Variants in RBM42 observed in about 807,000 individuals in gnomAD.
The protein encoded by RBM42 is RNA-binding protein 42.
RBM42 carries 21 observed loss-of-function variants against 41.4 expected under a neutral mutation model. The observed-to-expected ratio is 0.51, with a 90% confidence interval of 0.36 to 0.73. The LOEUF is 0.73. RBM42 is among the 30% of genes least tolerant of loss of function. The pLI is 0.00. For missense variants in RBM42, 539 were observed against 680.4 expected (o/e 0.79, Z 2.31); for synonymous variants, 272 against 271.2 (o/e 1.00, Z -0.03).
In RBM42 at chr19:35,634,372, A is replaced by T. The variant is rs377677232; in HGVS notation, c.1134A>T (p.Ala378=). ...WEDPSLLEWD[A]DDFRIFCGDL... ...ACCCCAGCCTGCTGGAGTGGGATGCAGGTAAGCTGCTGAAGCTCGAGGTCA... is the reference window on the plus strand; with the variant it reads ...ACCCCAGCCTGCTGGAGTGGGATGCTGGTAAGCTGCTGAAGCTCGAGGTCA... The change falls in exon 8 of 10, where the codon GCA becomes GCT. Residue 378 remains alanine, a splice_region_variant and synonymous_variant. Transcript: ENST00000262633. The T allele has an allele frequency of 2.5e-6, 4 of 1,611,612 alleles. No individual in the cohort carries two copies. In the African/African-American group the frequency reaches 5.3e-5, roughly 22 times the overall value.
rs1261526917 is a variant in RBM42, at chr19:35,633,904, C to T, written c.902C>T (p.Pro301Leu). 7 of 1,593,502 alleles carry T rather than the reference C, an allele frequency of 4.4e-6. No individual in the cohort carries two copies. Among genetic ancestry groups the T allele is most frequent in the Non-Finnish European group, 6.0e-6 (7 of 1,174,174 alleles). The change falls in exon 7 of 10, where the codon CCG becomes CTG. Residue 301 changes from proline to leucine, a missense_variant. Transcript: ENST00000262633. Reference protein sequence around the residue: ...PLPEPEPLPLPLEVVRGLLPP... With the variant: ...PLPEPEPLPLLLEVVRGLLPP... ...CCCGAGCCTGAGCCCCTGCCCCTCC[C>T]GTTGGAGGTCGTCCGCGGCCTCCTG...
At chr19:35,633,274 A>G (rs8106576) in intron 6 of RBM42, 22 bp downstream of exon 6, 411,813 of 1,534,310 alleles carry the variant, frequency 0.27, 66,119 homozygotes, top group African/African-American at 0.68. Context: ...CAGGGAACTA[A>G]CGGTCAGATG....
At chr19:35,636,314 A>G (rs1306838782) in intron 8 of RBM42, among the ~76,000 whole-genome samples, 1 of 151,588 alleles carries the variant, frequency 6.6e-6, no homozygotes, top group Non-Finnish European at 1.5e-5. Flanking sequence ...ACCCACCACC[A>G]CACCCAGCTA....
intron 8 of RBM42, among the ~76,000 whole-genome samples, chr19:35,636,951 A>G (rs891802331): frequency 2.0e-5 from 3 of 151,958 alleles, no homozygotes; most frequent in African/African-American, 7.3e-5. Context: ...GCCTCAGTGT[A>G]AAAGCATGGT....
In RBM42 at chr19:35,633,961, T is replaced by A. The variant is rs1375204075; in HGVS notation, c.959T>A (p.Leu320Gln). 6.4e-7 allele frequency: 1 copy of A among 1,559,852 alleles called. No individual in the cohort carries two copies. The highest frequency in any genetic ancestry group is 8.6e-7 in the Non-Finnish European group (1 of 1,158,440). ...PPLRIPELLS[L>Q]RPRPRPPRPE... is the part of the protein sequence containing the mutation. Reference sequence around the variant, plus strand: ...CTGCGCATTCCTGAACTCCTGTCCCTGCGTCCTCGGCCCCGGCCCCCTCGG... The same window carrying A: ...CTGCGCATTCCTGAACTCCTGTCCCAGCGTCCTCGGCCCCGGCCCCCTCGG... The change falls in exon 7 of 10, where the codon CTG (leucine) becomes CAG (glutamine). Residue 320 changes from leucine (L) to glutamine (Q), a missense_variant. This residue lies in a region of RBM42 where 429 missense variants were observed against 488.9 expected (regional missense o/e 0.88). Coordinates refer to ENST00000262633, the MANE Select transcript of RBM42 (RefSeq NM_024321.5).
chr19:35,635,123 T>C (rs1340743605), intron 8 of RBM42, among the ~76,000 whole-genome samples: 1 of 151,722 alleles, frequency 6.6e-6, no homozygotes, highest in African/African-American at 2.4e-5. Flanking sequence ...AAGACCAGCC[T>C]GGCCAACATG....
rs759099564 is a variant in RBM42 at position 35,633,001 on chromosome 19, G to C, written c.508G>C (p.Asp170His). 3 of 1,609,522 alleles carry C rather than the reference G, an allele frequency of 1.9e-6. No individual in the cohort carries two copies. The African/African-American group carries it at 4.0e-5, about 22-fold the overall frequency. ...CGTCCCCCACGTGCTACAGAGAGCA[G>C]GTGAGGGGCCAGGGTCATCATCCCT... ...AFVPHVLQRA[D>H]SALSSAAAGP... The change falls in exon 5 of 10, where the codon GAT becomes CAT. Residue 170 changes from aspartate to histidine, a missense_variant and splice_region_variant. This residue lies in a region of RBM42 where 429 missense variants were observed against 488.9 expected (regional missense o/e 0.88). Transcript: ENST00000262633.
Position 35,637,023 on chromosome 19 carries a change from G to T in RBM42, c.1136-135G>T. 2 of 774,876 alleles carry T rather than the reference G, an allele frequency of 2.6e-6. No homozygotes were observed. Among genetic ancestry groups the T allele is most frequent in the Non-Finnish European group, 4.1e-6 (2 of 488,714 alleles). 48.0% of individuals were successfully genotyped at this position (774,876 alleles called of 1,614,324 possible). A position where few individuals can be genotyped will look rare whatever the true frequency, so the allele number is the denominator to read the frequency against. ...CAGCAGAGCTCCTGGCGCAGGGTCA[G>T]TAGGTGTTGACCATTATTACTAAGA... On this transcript the variant is annotated intron_variant, in intron 8 of 9. Transcript: ENST00000262633. This position sits in a 1 kb window ranked among gnomAD's most constrained non-coding sequence, Gnocchi z 7.0.
chr19:35,633,266 G>C lies in RBM42; in HGVS notation c.684+14G>C. On this transcript the variant is annotated intron_variant, in intron 6 of 9. Transcript: ENST00000262633. ...AGGCCCCCTCTGGTGAGTGTGAACA[G>C]GGAACTAACGGTCAGATGTGCGGTG... The C allele has an allele frequency of 6.5e-7, 1 of 1,548,556 alleles. No homozygotes were observed. The highest frequency in any genetic ancestry group is 1.2e-5 in the South Asian group (1 of 80,530).
At chr19:35,634,447 C>T in intron 8 of RBM42, 74 bp downstream of exon 8, 1 of 1,085,172 alleles carries the variant, frequency 9.2e-7, no homozygotes, top group Non-Finnish European at 1.4e-6. Context: ...GGGCTGCAGA[C>T]TGGGAGGGTG....
At chr19:35,634,456 T>G (rs1599607794) in intron 8 of RBM42, 83 bp downstream of exon 8, 1 of 982,744 alleles carries the variant, frequency 1.0e-6, no homozygotes, top group Non-Finnish European at 1.6e-6. Flanking sequence ...ACTGGGAGGG[T>G]GAACCCTCTC....
In RBM42 at chr19:35,633,940, G is replaced by A. The variant is rs748386078; in HGVS notation, c.938G>A (p.Arg313His). Residue 313 changes from arginine to histidine, a missense_variant, in exon 7 of 10, where the codon CGC (arginine) becomes CAC (histidine). Coordinates refer to ENST00000262633, the MANE Select transcript of RBM42 (RefSeq NM_024321.5). ...GTCCGCGGCCTCCTGCCCCCGCTGCGCATTCCTGAACTCCTGTCCCTGCGT... is the reference window on the plus strand; with the variant it reads ...GTCCGCGGCCTCCTGCCCCCGCTGCACATTCCTGAACTCCTGTCCCTGCGT... ...EVVRGLLPPLRIPELLSLRPR... is the reference protein window; with the variant it reads ...EVVRGLLPPLHIPELLSLRPR... 1.6e-5 allele frequency: 26 copies of A among 1,577,608 alleles called. No individual in the cohort carries two copies. Among genetic ancestry groups the A allele is most frequent in the African/African-American group, 2.7e-5 (2 of 73,916 alleles).
chr19:35,629,903 G>A (rs1044574474), intron 2 of RBM42, among the ~76,000 whole-genome samples: 4 of 152,174 alleles, frequency 2.6e-5, no homozygotes, highest in Non-Finnish European at 5.9e-5. Context: ...TGACGAGACT[G>A]TTCTGATATA....
chr19:35,635,498 C>T (rs1263313926), intron 8 of RBM42, among the ~76,000 whole-genome samples: 3 of 150,650 alleles, frequency 2.0e-5, no homozygotes, highest in Non-Finnish European at 2.9e-5. Context: ...AGTTTTATGT[C>T]CTTCAATTAT....
chr19:35,629,125 T>C lies in RBM42; in HGVS notation c.-29T>C, dbSNP rs996320214. 20 of 1,519,316 alleles carry C rather than the reference T, an allele frequency of 1.3e-5. No homozygotes were observed. Among genetic ancestry groups the C allele is most frequent in the Non-Finnish European group, 1.8e-5 (20 of 1,137,492 alleles). The allele number at this position is 1,519,316 out of a possible 1,614,324, so 94.1% of individuals were successfully genotyped here. On this transcript the variant is annotated 5_prime_UTR_variant, in exon 1 of 10. Transcript: ENST00000262633. The stretch of plus-strand genomic sequence containing the variant: ...AGCGGCGGCGGCTAAGCAGAGACTG[T>C]AGTAGCGGCGACAGCGACGACGGCA...
chr19:35,631,384 G>A lies in RBM42; in HGVS notation c.421G>A (p.Ala141Thr). 6.2e-7 allele frequency: 1 copy of A among 1,614,204 alleles called. No individual in the cohort carries two copies. Among genetic ancestry groups the A allele is most frequent in the Non-Finnish European group, 8.5e-7 (1 of 1,180,036 alleles). Residue 141 changes from alanine (A) to threonine (T), a missense_variant, in exon 4 of 10, where the codon GCC (alanine) becomes ACC (threonine). By Grantham distance (58) the Ala-to-Thr change is moderately conservative. This residue lies in a region of RBM42 where 429 missense variants were observed against 488.9 expected (regional missense o/e 0.88). Coordinates refer to ENST00000262633, the MANE Select transcript of RBM42 (RefSeq NM_024321.5). ...CCTGGACAGCCCAGAGGCTCGAGAA[G>A]CCATGTTCCTGCGGCGGGCAGGTGA... ...SHLDSPEAREAMFLRRAAVAP... is the reference protein window; with the variant it reads ...SHLDSPEARETMFLRRAAVAP...
In RBM42 at chr19:35,633,972, C is replaced by A; in HGVS notation, c.970C>A (p.Pro324Thr). Residue 324 changes from proline (P) to threonine (T), a missense_variant, in exon 7 of 10, where the codon CCC becomes ACC. Coordinates refer to ENST00000262633, the MANE Select transcript of RBM42 (RefSeq NM_024321.5). ...TGAACTCCTGTCCCTGCGTCCTCGG[C>A]CCCGGCCCCCTCGGCCAGAGCCACC... ...IPELLSLRPR[P>T]RPPRPEPPPG... 6.5e-7 allele frequency: 1 copy of A among 1,544,970 alleles called. No homozygotes were observed. Among genetic ancestry groups the A allele is most frequent in the Non-Finnish European group, 8.7e-7 (1 of 1,151,104 alleles).
In RBM42 at chr19:35,632,953, GC is replaced by G. The variant is rs1281326445; in HGVS notation, c.464del (p.Pro155LeufsTer51). On this transcript the variant is annotated frameshift_variant, in exon 5 of 10. Coordinates refer to ENST00000262633, the MANE Select transcript of RBM42 (RefSeq NM_024321.5). LOFTEE classifies it high-confidence loss of function. ...TCCCACAGCTGTGGCCCCCCAGAGG[GC>G]CCCTATCCTGCGTCCAGCCTTCGTC... ...LRRAAVAPQR[A>X]PILRPAFVPH... 1 of 1,591,272 alleles carries G rather than the reference GC, an allele frequency of 6.3e-7. No individual in the cohort carries two copies. The highest frequency in any genetic ancestry group is 1.7e-4 in the Middle Eastern group (1 of 5,990).
chr19:35,633,243 G>T lies in RBM42; in HGVS notation c.675G>T (p.Arg225Ser), dbSNP rs201812659. ...CGCTGGGCTCCATGGCTGCACTGAGGCCCCCTCTGGTGAGTGTGAACAGGG... is the reference window on the plus strand; with the variant it reads ...CGCTGGGCTCCATGGCTGCACTGAGTCCCCCTCTGGTGAGTGTGAACAGGG... ...GPPLGSMAAL[R>S]PPLEEPAAPR... Residue 225 changes from arginine (R) to serine (S), a missense_variant, in exon 6 of 10, where the codon AGG (arginine) becomes AGT (serine). Arg to Ser is a moderately radical substitution (Grantham distance 110). This residue lies in a region of RBM42 where 429 missense variants were observed against 488.9 expected (regional missense o/e 0.88). Transcript: ENST00000262633. The T allele has an allele frequency of 6.3e-7, 1 of 1,585,836 alleles. No individual in the cohort carries two copies. The highest frequency in any genetic ancestry group is 2.2e-5 in the East Asian group (1 of 44,794).
Sources: allele counts gnomAD v4.1 joint callset (sites outside exome capture counted in the v4.1 genomes callset), GRCh38; gene constraint gnomAD v4.1.1; regional missense constraint gnomAD v4.1.1; non-coding constraint Gnocchi (gnomAD v3.1); transcripts MANE v1.5; gene names NCBI Gene and HGNC (gene_info 2026-07-23, HGNC 2026-07-21).